Variants in CRYBG3 observed in about 807,000 individuals in gnomAD.
CRYBG3 encodes the protein crystallin beta-gamma domain containing 3.
In CRYBG3, 127 loss-of-function variants were observed where a neutral mutation model predicts 244.2. The ratio of observed to expected loss-of-function variants is 0.52; its 90% CI spans 0.45 to 0.60. The LOEUF is 0.60. CRYBG3 is among the 20% of genes least tolerant of loss of function. CRYBG3 has a pLI of 0.00. For synonymous variants in CRYBG3, 1,132 were observed against 1,195.8 expected, an observed-to-expected ratio of 0.95 and a Z score of 1.10; for missense variants, 3,325 against 3,442.5, an observed-to-expected ratio of 0.97 and a Z score of 0.85.
rs555045443 is a variant in CRYBG3 at position 97,876,226 on chromosome 3, G to A, written c.5032G>A (p.Asp1678Asn). ...TATTTACCAAACGCATGCTGAAGGGGATATTGGCAAGACTGGGACGATAGC... is the reference window on the plus strand; with the variant it reads ...TATTTACCAAACGCATGCTGAAGGGAATATTGGCAAGACTGGGACGATAGC... ...ENIYQTHAEGDIGKTGTIALS... is the reference protein window; with the variant it reads ...ENIYQTHAEGNIGKTGTIALS... Residue 1678 changes from aspartate to asparagine, a missense_variant, in exon 4 of 22, where the codon GAT (aspartate) becomes AAT (asparagine). By Grantham distance (23) the Asp-to-Asn change is conservative (BLOSUM62 1). Coordinates refer to ENST00000389622, the MANE Select transcript of CRYBG3 (RefSeq NM_153605.4). The A allele has an allele frequency of 1.6e-5, 20 of 1,232,046 alleles. 1 individual carries two copies. The South Asian group carries it at 8.2e-4, about 51-fold the overall frequency. The allele number at this position is 1,232,046 out of a possible 1,614,324, so 76.3% of individuals were successfully genotyped here.
intron 13 of CRYBG3, 45 bp downstream of exon 13, chr3:97,899,070 G>A (rs781151910): frequency 1.3e-6 from 2 of 1,599,040 alleles, no homozygotes; most frequent in Admixed American, 3.5e-5. Flanking sequence ...TGGTGTTTAA[G>A]ATTGTTGTTT....
intron 2 of CRYBG3, among the ~76,000 whole-genome samples, chr3:97,851,487 A>G (rs2038985160): frequency 6.6e-6 from 1 of 152,228 alleles, no homozygotes; most frequent in Non-Finnish European, 1.5e-5. Flanking sequence ...AAGAACGTAA[A>G]TGTAATTTCC....
intron 1 of CRYBG3, among the ~76,000 whole-genome samples, chr3:97,823,321 A>G (rs1395045951): frequency 6.6e-6 from 1 of 152,218 alleles, no homozygotes; most frequent in Non-Finnish European, 1.5e-5. Context: ...AACCGTGTTT[A>G]CTTCGGACTC....
chr3:97,879,329 C>T (rs1408767921), intron 4 of CRYBG3, among the ~76,000 whole-genome samples: 2 of 152,192 alleles, frequency 1.3e-5, no homozygotes, highest in Non-Finnish European at 2.9e-5. Flanking sequence ...TTCAAGGTCC[C>T]TCAATACTAC....
At chr3:97,855,046 G>GT (rs1470604378) in intron 2 of CRYBG3, among the ~76,000 whole-genome samples, 2 of 151,978 alleles carry the variant, frequency 1.3e-5, no homozygotes, top group Non-Finnish European at 2.9e-5. Context: ...TTTGTTGAGA[G>GT]TTTTTATCAA....
At chr3:97,844,409 A>G (rs546810375) in intron 2 of CRYBG3, among the ~76,000 whole-genome samples, 2 of 152,182 alleles carry the variant, frequency 1.3e-5, no homozygotes, top group African/African-American at 2.4e-5. Context: ...TTTTACTTCT[A>G]ATGCTATAAA....
At position 97,876,501 on chromosome 3, in the gene CRYBG3, T is replaced by A; in HGVS notation, c.5307T>A (p.Asn1769Lys). The change falls in exon 4 of 22, where the codon AAT (asparagine) becomes AAA (lysine). Residue 1769 changes from asparagine to lysine, a missense_variant. Physicochemically the swap from Asn to Lys is moderately conservative, Grantham distance 94 (BLOSUM62 0). This residue lies in a region of CRYBG3 where 635 missense variants were observed against 771.7 expected (regional missense o/e 0.82). Coordinates refer to ENST00000389622, the MANE Select transcript of CRYBG3 (RefSeq NM_153605.4). ...AGGTAGTAAATACTTACCAAAAAAA[T>A]GCCAAAGGTTTTACCGGGAACACTG... ...ALEVVNTYQK[N>K]AKGFTGNTEG... is the part of the protein sequence containing the mutation. 8.1e-7 allele frequency: 1 copy of A among 1,232,014 alleles called. No homozygotes were observed. The highest frequency in any genetic ancestry group is 1.0e-6 in the Non-Finnish European group (1 of 987,954). The allele number at this position is 1,232,014 out of a possible 1,614,324, so 76.3% of individuals were successfully genotyped here.
chr3:97,886,042 G>A (rs534759210), intron 7 of CRYBG3, among the ~76,000 whole-genome samples: 13 of 152,250 alleles, frequency 8.5e-5, no homozygotes, highest in African/African-American at 2.4e-4. Flanking sequence ...CTGTGATGGA[G>A]TAAAGGGTCA....
intron 15 of CRYBG3, among the ~76,000 whole-genome samples, chr3:97,901,726 T>A (rs185518231): frequency 6.6e-6 from 1 of 152,332 alleles, no homozygotes; most frequent in African/African-American, 2.4e-5. Flanking sequence ...CCTCATTTTT[T>A]AAATCTCTGT....
intron 1 of CRYBG3, 35 bp from the exon 2 acceptor site, chr3:97,843,160 T>A: frequency 7.2e-7 from 1 of 1,396,106 alleles, no homozygotes; most frequent in Non-Finnish European, 9.6e-7. Context: ...AATTTTCTTT[T>A]AATTTCAAAA....
At chr3:97,859,026 G>A (rs972644165) in intron 2 of CRYBG3, among the ~76,000 whole-genome samples, 1 of 152,112 alleles carries the variant, frequency 6.6e-6, no homozygotes, top group African/African-American at 2.4e-5. Flanking sequence ...GTTCTAGGTA[G>A]GCAAAGTAGT....
intron 18 of CRYBG3, among the ~76,000 whole-genome samples, chr3:97,935,341 T>G (rs1441438510): frequency 6.6e-6 from 1 of 152,096 alleles, no homozygotes; most frequent in East Asian, 1.9e-4. Context: ...CAGCTAAGCC[T>G]GTCCGTGGTC....
At chr3:97,858,924 G>C (rs2039105733) in intron 2 of CRYBG3, among the ~76,000 whole-genome samples, 1 of 152,062 alleles carries the variant, frequency 6.6e-6, no homozygotes, top group Admixed American at 6.6e-5. Context: ...GCATCTGGTG[G>C]AATAAGTACC....
intron 17 of CRYBG3, among the ~76,000 whole-genome samples, chr3:97,922,988 C>A (rs2039999353): frequency 6.6e-6 from 1 of 152,094 alleles, no homozygotes; most frequent in Non-Finnish European, 1.5e-5. Flanking sequence ...CACATATATA[C>A]CATGGAATAC....
At chr3:97,888,223 T>C in intron 8 of CRYBG3, 118 bp from the exon 9 acceptor site, 1 of 622,170 alleles carries the variant, frequency 1.6e-6, no homozygotes, top group East Asian at 2.8e-5. Context: ...GAGTGTGTTT[T>C]ACTAGTGTAA....
In CRYBG3 at chr3:97,931,831, CCT is replaced by C. The variant is rs1455562987; in HGVS notation, c.8242-1862_8242-1861del. Among the ~76,000 whole-genome samples, 6 of 152,106 alleles carry C rather than the reference CCT, an allele frequency of 3.9e-5. No homozygotes were observed. In the South Asian group the frequency reaches 1.0e-3, roughly 26 times the overall value. On this transcript the variant is annotated intron_variant, in intron 17 of 21. Transcript: ENST00000389622. ...TTTACTCCTAACCTTCCCCCTAACC[CCT>C]GTTTTAGGTCTGGGTCTATTTTTCT...
intron 1 of CRYBG3, among the ~76,000 whole-genome samples, chr3:97,840,074 C>CA (rs906601828): frequency 6.6e-6 from 1 of 151,594 alleles, no homozygotes; most frequent in East Asian, 1.9e-4. Flanking sequence ...AGTGAGAGCA[C>CA]AAAAAATACA....
chr3:97,875,181 G>C lies in CRYBG3; in HGVS notation c.3987G>C (p.Glu1329Asp), dbSNP rs950244569. ...GAAATGATACTTTTGAAGATACTGA[G>C]GATACTTGGGATTCTGAACTTCAGG... ...KLRNDTFEDT[E>D]DTWDSELQAN... is the part of the protein sequence containing the mutation. The change falls in exon 4 of 22, where the codon GAG becomes GAC. Residue 1329 changes from glutamate (E) to aspartate (D), a missense_variant. This residue lies in a region of CRYBG3 where 635 missense variants were observed against 771.7 expected (regional missense o/e 0.82). Transcript: ENST00000389622. 6 of 1,535,040 alleles carry C rather than the reference G, an allele frequency of 3.9e-6. No individual in the cohort carries two copies. In the African/African-American group the frequency reaches 5.5e-5, roughly 14 times the overall value.
Position 97,851,618 on chromosome 3 carries a change from G to C in CRYBG3, c.216+8357G>C, listed in dbSNP as rs139701974. Among the ~76,000 whole-genome samples, 9 of 152,344 alleles carry C rather than the reference G, an allele frequency of 5.9e-5. 1 individual carries two copies. Among genetic ancestry groups the C allele is most frequent in the African/African-American group, 2.2e-4 (9 of 41,584 alleles). On this transcript the variant is annotated intron_variant, in intron 2 of 21. Coordinates refer to ENST00000389622, the MANE Select transcript of CRYBG3 (RefSeq NM_153605.4). Reference sequence around the variant, plus strand: ...GTAGTGTGAGAGAAAGAAAGGTAGGGAGGGAGAGAGGAAGGAGGAGATAGT... The same window carrying C: ...GTAGTGTGAGAGAAAGAAAGGTAGGCAGGGAGAGAGGAAGGAGGAGATAGT...
Sources: gnomAD v4.1 joint callset for allele counts (sites outside exome capture counted in the v4.1 genomes callset) on GRCh38, gnomAD v4.1.1 for gene constraint, gnomAD v4.1.1 regional missense constraint, MANE v1.5 for transcripts, NCBI Gene and HGNC (gene_info 2026-07-23, HGNC 2026-07-21) for gene names.